GUCY2C: variants seen among roughly 807,000 people sequenced by gnomAD.
The protein encoded by GUCY2C is guanylate cyclase 2C.
GUCY2C carries 118 observed loss-of-function variants against 131.1 expected under a neutral mutation model. The ratio of observed to expected loss-of-function variants is 0.90; its 90% CI spans 0.78 to 1.05. The LOEUF (loss-of-function observed/expected upper bound fraction) is 1.05. Among genes scored for constraint, GUCY2C ranks in the 50% least tolerant of loss-of-function variants. GUCY2C has a pLI of 0.00. For synonymous variants in GUCY2C, 452 were observed against 457.8 expected (o/e 0.99, Z 0.16); for missense variants, 1,161 against 1,304.4 (o/e 0.89, Z 1.69).
intron 10 of GUCY2C, among the ~76,000 whole-genome samples, chr12:14,664,876 T>TCA (rs1203965770): frequency 5.3e-5 from 8 of 151,792 alleles, no homozygotes; most frequent in South Asian, 2.1e-4. Context: ...ATTCATTCAT[T>TCA]TATTCATTCC....
chr12:14,663,162 T>G (rs530404516), intron 10 of GUCY2C, among the ~76,000 whole-genome samples: 2 of 152,238 alleles, frequency 1.3e-5, no homozygotes, highest in East Asian at 3.8e-4. Context: ...TATTTAGATA[T>G]GCAAAACAGT....
chr12:14,670,733 A>G (rs531416153), intron 9 of GUCY2C, among the ~76,000 whole-genome samples: 1 of 151,834 alleles, frequency 6.6e-6, no homozygotes, highest in East Asian at 2.0e-4. Flanking sequence ...GCCTGCTACC[A>G]TGTAAGATGT....
At chr12:14,655,337 A>C (rs535643375) in intron 12 of GUCY2C, among the ~76,000 whole-genome samples, 20 of 152,320 alleles carry the variant, frequency 1.3e-4, no homozygotes, top group African/African-American at 4.8e-4. Context: ...TCATCCTGAC[A>C]CTTAGCTGAG....
At position 14,625,756 on chromosome 12, in the gene GUCY2C, C is replaced by T; in HGVS notation, c.2408+1G>A. Reference sequence around the variant, plus strand: ...CTCCACATCAGCAAGGCTTGCCTTACCTTGGAAGCAACATAAAGTTAAGTC... The same window carrying T: ...CTCCACATCAGCAAGGCTTGCCTTATCTTGGAAGCAACATAAAGTTAAGTC... On this transcript the variant is annotated splice_donor_variant, in intron 21 of 26. Transcript: ENST00000261170. LOFTEE classifies it high-confidence loss of function. 2 of 1,613,720 alleles carry T rather than the reference C, an allele frequency of 1.2e-6. No homozygotes were observed. Among genetic ancestry groups the T allele is most frequent in the South Asian group, 1.1e-5 (1 of 91,038 alleles).
intron 3 of GUCY2C, among the ~76,000 whole-genome samples, 174 bp downstream of exon 3, chr12:14,685,987 A>G (rs1948460382): frequency 1.3e-5 from 2 of 152,194 alleles, no homozygotes; most frequent in Non-Finnish European, 2.9e-5. Context: ...ACAGACATTC[A>G]CTCCATGCTG....
chr12:14,655,423 A>G (rs1265184365), intron 12 of GUCY2C, among the ~76,000 whole-genome samples: 1 of 152,188 alleles, frequency 6.6e-6, no homozygotes, highest in African/African-American at 2.4e-5. Flanking sequence ...GGAGCATGTC[A>G]TATTTCTGAA....
chr12:14,676,908 C>T lies in GUCY2C; in HGVS notation c.894G>A (p.Thr298=), dbSNP rs751777698. The T allele has an allele frequency of 1.4e-5, 22 of 1,572,530 alleles. No homozygotes were observed. Among genetic ancestry groups the T allele is most frequent in the East Asian group, 2.3e-5 (1 of 44,310 alleles). Residue 298 remains threonine (T), a synonymous_variant, in exon 7 of 27, where the codon ACG becomes ACA. Coordinates refer to ENST00000261170, the MANE Select transcript of GUCY2C (RefSeq NM_004963.4). ...TTAGAAGGGAATTCCCAGGAGACAG[C>T]GTCAGAACAAGGACATTTTTCATAT... ...PDYMKNVLVL[T]LSPGNSLLNS...
intron 10 of GUCY2C, among the ~76,000 whole-genome samples, chr12:14,669,248 C>A: frequency 6.6e-6 from 1 of 150,786 alleles, no homozygotes; most frequent in Admixed American, 6.6e-5. Flanking sequence ...CTCTGTTGCC[C>A]AGCTGGAGTG....
intron 6 of GUCY2C, among the ~76,000 whole-genome samples, chr12:14,677,213 T>C (rs1199729242): frequency 6.6e-6 from 1 of 152,188 alleles, no homozygotes; most frequent in Non-Finnish European, 1.5e-5. Flanking sequence ...AGAATACAGA[T>C]ATTTCTTGAT....
intron 7 of GUCY2C, among the ~76,000 whole-genome samples, chr12:14,676,602 G>A (rs908082948): frequency 3.3e-5 from 5 of 152,126 alleles, no homozygotes; most frequent in African/African-American, 1.2e-4. Context: ...CCAATGTGGT[G>A]GATGTGTCCA....
chr12:14,669,679 G>A (rs1421908913), intron 10 of GUCY2C, 43 bp downstream of exon 10: 1 of 975,954 alleles, frequency 1.0e-6, no homozygotes, highest in East Asian at 2.4e-5. Flanking sequence ...TTCTTACCAG[G>A]AAAACAGTGT....
intron 10 of GUCY2C, among the ~76,000 whole-genome samples, chr12:14,669,345 C>T (rs542666225): frequency 3.4e-4 from 51 of 151,752 alleles, no homozygotes; most frequent in African/African-American, 1.0e-3. Flanking sequence ...GCTGGGAACA[C>T]GGCTGTGTGC....
At chr12:14,663,017 A>G (rs939314315) in intron 10 of GUCY2C, among the ~76,000 whole-genome samples, 6 of 152,246 alleles carry the variant, frequency 3.9e-5, no homozygotes, top group Admixed American at 2.0e-4. Context: ...CAATAATTGT[A>G]CCGACAAAAA....
At chr12:14,642,650 A>G (rs138240986) in intron 17 of GUCY2C, among the ~76,000 whole-genome samples, 1 of 152,328 alleles carries the variant, frequency 6.6e-6, no homozygotes, top group African/African-American at 2.4e-5. Context: ...TGCCATAGGT[A>G]GGTAGGTATA....
chr12:14,619,002 G>T, intron 24 of GUCY2C: 1 of 515,538 alleles, frequency 1.9e-6, no homozygotes, highest in Non-Finnish European at 3.4e-6. Flanking sequence ...CTGAGCAAAA[G>T]TGGAAGAATA....
At chr12:14,629,018 T>C (rs1947086212) in intron 19 of GUCY2C, among the ~76,000 whole-genome samples, 1 of 152,102 alleles carries the variant, frequency 6.6e-6, no homozygotes, top group Non-Finnish European at 1.5e-5. Flanking sequence ...TTACAAGAGC[T>C]TGCAAGTTTT....
intron 1 of GUCY2C, among the ~76,000 whole-genome samples, chr12:14,690,478 T>C (rs1592150706): frequency 6.6e-6 from 1 of 152,328 alleles, no homozygotes; most frequent in South Asian, 2.1e-4. Flanking sequence ...AAATTTTGGT[T>C]CCTTCCAGTA....
At chr12:14,625,703 T>A (rs1946999211) in intron 21 of GUCY2C, 54 bp downstream of exon 21, 1 of 1,559,200 alleles carries the variant, frequency 6.4e-7, no homozygotes, top group Non-Finnish European at 8.8e-7. Flanking sequence ...ATAGATACAA[T>A]GAAAAGCAAT....
chr12:14,696,190 G>T, intron 1 of GUCY2C, 42 bp downstream of exon 1: 2 of 1,457,878 alleles, frequency 1.4e-6, no homozygotes, highest in Non-Finnish European at 1.9e-6. Context: ...GTCCCCAGAG[G>T]TAGTAACAGA....
Sources: gnomAD v4.1 joint callset for allele counts (sites outside exome capture counted in the v4.1 genomes callset) on GRCh38, gnomAD v4.1.1 for gene constraint, MANE v1.5 for transcripts, NCBI Gene and HGNC (gene_info 2026-07-23, HGNC 2026-07-21) for gene names.